Variants in FAM171B observed in about 807,000 individuals in gnomAD.
FAM171B encodes protein FAM171B.
A neutral mutation model predicts 75.6 loss-of-function variants in FAM171B; 19 were observed. The observed-to-expected ratio is 0.25, with a 90% CI of 0.18 to 0.37. The LOEUF (loss-of-function observed/expected upper bound fraction) is 0.37. FAM171B is among the 10% of genes least tolerant of loss of function. The pLI is 1.00. For missense variants in FAM171B, 848 were observed against 982.4 expected (o/e 0.86, Z 1.83); for synonymous variants, 367 against 361.7 (o/e 1.01, Z -0.17).
rs749599860 is a variant in FAM171B at position 186,747,108 on chromosome 2, A to T, written c.582A>T (p.Pro194=). 1 of 1,593,470 alleles carries T rather than the reference A, an allele frequency of 6.3e-7. No homozygotes were observed. Among genetic ancestry groups the T allele is most frequent in the Non-Finnish European group, 8.5e-7 (1 of 1,172,004 alleles). The part of the protein sequence containing the change: ...TGKLADAKSQ[P]SVQFSKALIK... ...TTTTTCCAGATGCCAAGTCTCAACCAAGTGTTCAGTTTTCAAAAGCCTTAA... is the reference window on the plus strand; with the variant it reads ...TTTTTCCAGATGCCAAGTCTCAACCTAGTGTTCAGTTTTCAAAAGCCTTAA... Residue 194 remains proline, a synonymous_variant, in exon 4 of 8, where the codon CCA becomes CCT. Coordinates refer to ENST00000304698, the MANE Select transcript of FAM171B (RefSeq NM_177454.4).
At chr2:186,752,191 G>GA (rs1690465782) in intron 5 of FAM171B, among the ~76,000 whole-genome samples, 2 of 152,146 alleles carry the variant, frequency 1.3e-5, no homozygotes, top group South Asian at 4.1e-4. Context: ...GCCCATCTTA[G>GA]AACCTGTCTT....
intron 1 of FAM171B, among the ~76,000 whole-genome samples, chr2:186,731,975 T>C (rs955457235): frequency 2.0e-5 from 3 of 152,134 alleles, no homozygotes; most frequent in African/African-American, 7.2e-5. Flanking sequence ...AGCTCAGGGC[T>C]CCCGCTGAGG....
chr2:186,732,259 G>C (rs561000506), intron 1 of FAM171B, among the ~76,000 whole-genome samples: 1 of 152,206 alleles, frequency 6.6e-6, no homozygotes, highest in Admixed American at 6.5e-5. Context: ...TATATGGCCA[G>C]GGGGTGCTTT....
chr2:186,752,436 C>T lies in FAM171B; in HGVS notation c.895+1132C>T, dbSNP rs113585920. Among the ~76,000 whole-genome samples the T allele has an allele frequency of 7.6e-3, 1,158 of 152,174 alleles. 18 individuals carry two copies. Among genetic ancestry groups the T allele is most frequent in the African/African-American group, 0.026 (1,100 of 41,526 alleles). The stretch of plus-strand genomic sequence containing the variant: ...AGAAAGAGTGGAAACTATATAACCA[C>T]GGTAGTATGCTACTGAAATCATTAG... On this transcript the variant is annotated intron_variant, in intron 5 of 7. Transcript: ENST00000304698.
rs918985317 is a variant in FAM171B, at chr2:186,729,017, AT to A, written c.239-11204del. ...ACCATAATATAGTATTGGTTTTAAT[AT>A]TTTTTTCTAGAATATTCCTTTATAC... On this transcript the variant is annotated intron_variant, in intron 1 of 7. Transcript: ENST00000304698. Among the ~76,000 whole-genome samples, 14 of 152,148 alleles carry A rather than the reference AT, an allele frequency of 9.2e-5. No homozygotes were observed. The South Asian group carries it at 1.2e-3, about 14-fold the overall frequency.
chr2:186,700,688 G>A (rs1689647336), intron 1 of FAM171B, among the ~76,000 whole-genome samples: 1 of 152,150 alleles, frequency 6.6e-6, no homozygotes, highest in Non-Finnish European at 1.5e-5. Flanking sequence ...GAATGAAGCT[G>A]CTATATTCTT....
chr2:186,761,838 A>G lies in FAM171B; in HGVS notation c.1496A>G (p.Asn499Ser). Residue 499 changes from asparagine to serine, a missense_variant, in exon 8 of 8, where the codon AAC becomes AGC. This residue lies in a region of FAM171B where 665 missense variants were observed against 729.0 expected (regional missense o/e 0.91). Transcript: ENST00000304698. ...TCCAAACAACCTAAACATATTAACA[A>G]CAATCTATCTTCATCTCTAGGTGAT... ...VGSKQPKHIN[N>S]NLSSSLGDAQ... The G allele has an allele frequency of 6.2e-7, 1 of 1,613,252 alleles. No homozygotes were observed. Among genetic ancestry groups the G allele is most frequent in the Non-Finnish European group, 8.5e-7 (1 of 1,179,766 alleles).
At chr2:186,715,489 C>T (rs1689863112) in intron 1 of FAM171B, among the ~76,000 whole-genome samples, 1 of 152,112 alleles carries the variant, frequency 6.6e-6, no homozygotes, top group Non-Finnish European at 1.5e-5. Flanking sequence ...AAGCATGAGC[C>T]ACCACACCTA....
At chr2:186,721,526 A>C (rs1235964257) in intron 1 of FAM171B, among the ~76,000 whole-genome samples, 2 of 152,208 alleles carry the variant, frequency 1.3e-5, no homozygotes, top group Non-Finnish European at 2.9e-5. Flanking sequence ...TCTTACTAAG[A>C]CAATAAAGTG....
At chr2:186,723,482 T>A (rs1400912370) in intron 1 of FAM171B, among the ~76,000 whole-genome samples, 1 of 152,194 alleles carries the variant, frequency 6.6e-6, no homozygotes, top group East Asian at 1.9e-4. Flanking sequence ...AACTGTATTA[T>A]TTATTCTCAT....
chr2:186,701,534 C>T lies in FAM171B; in HGVS notation c.238+7123C>T, dbSNP rs968513415. 3.9e-5 allele frequency among the ~76,000 whole-genome samples: 6 copies of T among 152,154 alleles called. No individual in the cohort carries two copies. In the South Asian group the frequency reaches 8.3e-4, roughly 21 times the overall value. The stretch of plus-strand genomic sequence containing the variant: ...GCCCTTTGTAGCCACTTAAATCTCC[C>T]ATCCATGAAAGCACTTATTTACTTA... On this transcript the variant is annotated intron_variant, in intron 1 of 7. Transcript: ENST00000304698.
intron 7 of FAM171B, 83 bp from the exon 8 acceptor site, chr2:186,761,396 T>C (rs1690613025): frequency 6.8e-7 from 1 of 1,469,464 alleles, no homozygotes; most frequent in Admixed American, 2.4e-5. Flanking sequence ...GCATGTATGA[T>C]ATGTAGATTG....
At chr2:186,713,287 G>A (rs1213911401) in intron 1 of FAM171B, among the ~76,000 whole-genome samples, 1 of 152,206 alleles carries the variant, frequency 6.6e-6, no homozygotes, top group Non-Finnish European at 1.5e-5. Flanking sequence ...TGGTTTGGTG[G>A]CTAGAGCATG....
intron 1 of FAM171B, among the ~76,000 whole-genome samples, chr2:186,720,456 ACT>A (rs1689936013): frequency 6.6e-6 from 1 of 152,126 alleles, no homozygotes; most frequent in South Asian, 2.1e-4. Flanking sequence ...AATGGCTCCT[ACT>A]GATACAGTCA....
At chr2:186,723,039 T>C (rs1019756488) in intron 1 of FAM171B, among the ~76,000 whole-genome samples, 2 of 152,204 alleles carry the variant, frequency 1.3e-5, no homozygotes, top group Non-Finnish European at 2.9e-5. Context: ...GGAGATGATA[T>C]AGTCGTCTCC....
intron 1 of FAM171B, chr2:186,695,357 T>C (rs1689564727): frequency 6.6e-6 from 1 of 152,226 alleles, no homozygotes; most frequent in African/African-American, 2.4e-5. Context: ...TTCATGGCTG[T>C]AGATTCTTGT....
At chr2:186,702,899 T>C (rs2105771233) in intron 1 of FAM171B, among the ~76,000 whole-genome samples, 1 of 152,226 alleles carries the variant, frequency 6.6e-6, no homozygotes, top group Non-Finnish European at 1.5e-5. Flanking sequence ...AACTTCTATT[T>C]AATATGCTTT....
rs1690645096 is a variant in FAM171B at position 186,762,957 on chromosome 2, G to A, written c.*134G>A. The A allele has an allele frequency of 2.9e-6, 3 of 1,018,790 alleles. No individual in the cohort carries two copies. Among genetic ancestry groups the A allele is most frequent in the Middle Eastern group, 2.4e-4 (1 of 4,154 alleles). The allele number at this position is 1,018,790 out of a possible 1,614,324, so 63.1% of individuals were successfully genotyped here. A position where few individuals can be genotyped will look rare whatever the true frequency, so the allele number is the denominator to read the frequency against. ...GGACATGTCTCAAGCAGAGTAAATGGTAATTCAGTAATCAGAGAGAAAGAT... is the reference window on the plus strand; with the variant it reads ...GGACATGTCTCAAGCAGAGTAAATGATAATTCAGTAATCAGAGAGAAAGAT... On this transcript the variant is annotated 3_prime_UTR_variant, in exon 8 of 8. Transcript: ENST00000304698. This position sits in a 1 kb window ranked among gnomAD's most constrained non-coding sequence, Gnocchi z 4.0.
At chr2:186,728,179 A>G (rs1285114112) in intron 1 of FAM171B, among the ~76,000 whole-genome samples, 1 of 152,218 alleles carries the variant, frequency 6.6e-6, no homozygotes, top group Non-Finnish European at 1.5e-5. Flanking sequence ...AACTGATAGC[A>G]AAGTAGATAT....
Sources: allele counts gnomAD v4.1 joint callset (sites outside exome capture counted in the v4.1 genomes callset), GRCh38; gene constraint gnomAD v4.1.1; regional missense constraint gnomAD v4.1.1; non-coding constraint Gnocchi (gnomAD v3.1); transcripts MANE v1.5; gene names NCBI Gene and HGNC (gene_info 2026-07-23, HGNC 2026-07-21).